Variants in DPYD observed in about 807,000 individuals in gnomAD.
DPYD encodes the protein dihydropyrimidine dehydrogenase [NADP(+)].
A neutral mutation model predicts 116.2 loss-of-function variants in DPYD; 109 were observed. That is an observed-to-expected ratio of 0.94 (90% CI 0.80 to 1.10). The LOEUF is 1.10. Ranked by LOEUF, DPYD falls within the 50% of genes least tolerant of loss-of-function variation. The pLI is 0.00. For missense variants in DPYD, 1,302 were observed against 1,254.5 expected (o/e 1.04, Z -0.57); for synonymous variants, 440 against 432.0 (o/e 1.02, Z -0.23).
intron 16 of DPYD, among the ~76,000 whole-genome samples, chr1:97,363,409 C>G (rs764668845): frequency 2.0e-5 from 3 of 152,116 alleles, no homozygotes; most frequent in Non-Finnish European, 4.4e-5. Flanking sequence ...TGTCAAGGAT[C>G]TAGAACTAGA....
At chr1:97,219,191 G>A (rs937368850) in intron 19 of DPYD, among the ~76,000 whole-genome samples, 7 of 152,254 alleles carry the variant, frequency 4.6e-5, no homozygotes, top group Non-Finnish European at 5.9e-5. Context: ...GCAAAACAGT[G>A]GGGTACAAAA....
intron 16 of DPYD, among the ~76,000 whole-genome samples, chr1:97,353,557 C>T (rs1208641555): frequency 1.4e-4 from 21 of 151,742 alleles, no homozygotes; most frequent in Admixed American, 1.4e-3. Context: ...TAAACAACCA[C>T]CAAAAGATGG....
intron 18 of DPYD, 24 bp from the exon 19 acceptor site, chr1:97,235,018 TG>T: frequency 6.2e-7 from 1 of 1,614,030 alleles, no homozygotes; most frequent in Non-Finnish European, 8.5e-7. Flanking sequence ...GAATAATCAA[TG>T]GTTAGCACAC....
intron 13 of DPYD, among the ~76,000 whole-genome samples, chr1:97,460,181 A>G (rs1439839424): frequency 6.6e-6 from 1 of 152,226 alleles, no homozygotes; most frequent in African/African-American, 2.4e-5. Context: ...TGAAGATAAC[A>G]GTGTTTGATA....
chr1:97,388,643 G>C (rs1019743109), intron 14 of DPYD, among the ~76,000 whole-genome samples: 2 of 152,122 alleles, frequency 1.3e-5, no homozygotes, highest in Admixed American at 1.3e-4. Flanking sequence ...TTTCAGGGAA[G>C]TGACAGGACA....
At chr1:97,575,104 T>C (rs1350025028) in intron 10 of DPYD, among the ~76,000 whole-genome samples, 1 of 152,094 alleles carries the variant, frequency 6.6e-6, no homozygotes, top group Non-Finnish European at 1.5e-5. Flanking sequence ...GTTTCTAACT[T>C]TGGAGGGTTA....
intron 13 of DPYD, among the ~76,000 whole-genome samples, chr1:97,489,231 G>A (rs1678830956): frequency 6.6e-6 from 1 of 152,130 alleles, no homozygotes; most frequent in African/African-American, 2.4e-5. Context: ...AGAATTTTTG[G>A]TATGTGCTAC....
At chr1:97,606,200 A>T (rs1655584335) in intron 8 of DPYD, among the ~76,000 whole-genome samples, 1 of 152,100 alleles carries the variant, frequency 6.6e-6, no homozygotes, top group South Asian at 2.1e-4. Context: ...ATTCATTAAT[A>T]TTTACTGAAT....
chr1:97,230,591 C>T (rs1661521155), intron 19 of DPYD, among the ~76,000 whole-genome samples: 1 of 152,000 alleles, frequency 6.6e-6, no homozygotes, highest in Non-Finnish European at 1.5e-5. Context: ...AAAAAGTTTA[C>T]CTATGTAGCA....
chr1:97,790,027 T>C (rs1166060834), intron 3 of DPYD, among the ~76,000 whole-genome samples: 2 of 152,132 alleles, frequency 1.3e-5, no homozygotes, highest in African/African-American at 4.8e-5. Context: ...CTTGAGGTAT[T>C]TGTGGGAGGT....
At chr1:97,521,811 G>A (rs1648689024) in intron 12 of DPYD, among the ~76,000 whole-genome samples, 1 of 152,112 alleles carries the variant, frequency 6.6e-6, no homozygotes, top group African/African-American at 2.4e-5. Context: ...AATGGGGAAA[G>A]GATTCCCTAT....
chr1:97,529,238 G>T (rs1052310396), intron 12 of DPYD, among the ~76,000 whole-genome samples: 1 of 152,036 alleles, frequency 6.6e-6, no homozygotes, highest in African/African-American at 2.4e-5. Context: ...AACCCCATTT[G>T]TCCCATGATC....
At chr1:97,316,566 T>TAACATAACATAACATAACATAACATAAAA (rs1409048778) in intron 16 of DPYD, among the ~76,000 whole-genome samples, 2 of 151,380 alleles carry the variant, frequency 1.3e-5, no homozygotes, top group Non-Finnish European at 3.0e-5. Flanking sequence ...TAAAATATCA[T>TAACATAACATAACATAACATAACATAAAA]TCATTGAGAG....
At chr1:97,656,572 C>T (rs1302750145) in intron 8 of DPYD, among the ~76,000 whole-genome samples, 1 of 152,186 alleles carries the variant, frequency 6.6e-6, no homozygotes, top group South Asian at 2.1e-4. Context: ...CTCATGTAGC[C>T]ATCTGCTTTT....
At chr1:97,129,935 C>G (rs150589360) in intron 20 of DPYD, among the ~76,000 whole-genome samples, 6 of 152,242 alleles carry the variant, frequency 3.9e-5, no homozygotes, top group African/African-American at 1.4e-4. Flanking sequence ...GTTTTGCTCA[C>G]GAGGATTCTC....
chr1:97,114,156 A>G (rs1651797297), intron 20 of DPYD, among the ~76,000 whole-genome samples: 1 of 152,172 alleles, frequency 6.6e-6, no homozygotes, highest in Non-Finnish European at 1.5e-5. Flanking sequence ...TACTTCCAGC[A>G]TTATCCCAGA....
chr1:97,394,314 A>G (rs1672893890), intron 14 of DPYD: 1 of 151,976 alleles, frequency 6.6e-6, no homozygotes, highest in South Asian at 2.1e-4. Context: ...CCGTTTGTCA[A>G]TTTTGGTTTT....
At chr1:97,602,458 T>C (rs867007500) in intron 8 of DPYD, among the ~76,000 whole-genome samples, 4 of 151,982 alleles carry the variant, frequency 2.6e-5, no homozygotes, top group Non-Finnish European at 4.4e-5. Flanking sequence ...CAAGTACACA[T>C]ATGAAATGAA....
At chr1:97,272,966 A>G (rs1664691711) in intron 18 of DPYD, among the ~76,000 whole-genome samples, 1 of 152,108 alleles carries the variant, frequency 6.6e-6, no homozygotes, top group African/African-American at 2.4e-5. Flanking sequence ...TTAAATGTTA[A>G]ATCACATTTA....
Sources: gnomAD v4.1 joint callset for allele counts (sites outside exome capture counted in the v4.1 genomes callset) on GRCh38, gnomAD v4.1.1 for gene constraint, MANE v1.5 for transcripts, NCBI Gene and HGNC (gene_info 2026-07-23, HGNC 2026-07-21) for gene names.